FBXL7: variants seen among roughly 807,000 people sequenced by gnomAD.
FBXL7 encodes F-box and leucine rich repeat protein 7.
Under a neutral mutation model 38.3 loss-of-function variants are expected in FBXL7, and 12 were observed. The observed-to-expected ratio is 0.31, with a 90% CI of 0.20 to 0.51. The LOEUF (loss-of-function observed/expected upper bound fraction) is 0.51, where lower values mean the gene tolerates loss of function less well. Among genes scored for constraint, FBXL7 ranks in the 20% least tolerant of loss-of-function variants. The pLI, the probability that FBXL7 is intolerant of heterozygous loss-of-function variation, is 0.98. For synonymous variants in FBXL7, 297 were observed against 300.9 expected (o/e 0.99, Z 0.13); for missense variants, 567 against 676.4 (o/e 0.84, Z 1.79).
chr5:15,905,579 T>C (rs1482980418), intron 2 of FBXL7, among the ~76,000 whole-genome samples: 4 of 152,128 alleles, frequency 2.6e-5, no homozygotes, highest in African/African-American at 9.7e-5. Context: ...AACAGAGAGA[T>C]ATTTAAAAAC....
At chr5:15,842,722 C>A (rs1738782802) in intron 2 of FBXL7, among the ~76,000 whole-genome samples, 1 of 152,156 alleles carries the variant, frequency 6.6e-6, no homozygotes, top group Non-Finnish European at 1.5e-5. Context: ...CTCACAATAT[C>A]TGATGGTTTT....
Position 15,900,837 on chromosome 5 carries a change from G to A in FBXL7, c.128-27053G>A, listed in dbSNP as rs73752378. ...ATGTGCCCCTTGGCCTAATTTTCAG[G>A]CTTCCAGTTTTCTTTAGAACAAGTT... is the stretch of plus-strand genomic sequence containing the variant. On this transcript the variant is annotated intron_variant, in intron 2 of 3. Transcript: ENST00000504595. 7.0e-3 allele frequency among the ~76,000 whole-genome samples: 1,068 copies of A among 152,264 alleles called. 19 individuals carry two copies. The highest frequency in any genetic ancestry group is 0.024 in the African/African-American group (1,009 of 41,540).
At chr5:15,913,261 TTTTA>T (rs1277131025) in intron 2 of FBXL7, among the ~76,000 whole-genome samples, 1 of 91,916 alleles carries the variant, frequency 1.1e-5, no homozygotes, top group Admixed American at 9.9e-5. Context: ...TAATGTTTTT[TTTTA>T]TTAATTTTTT....
At chr5:15,680,941 A>G (rs1579373430) in intron 2 of FBXL7, among the ~76,000 whole-genome samples, 1 of 152,334 alleles carries the variant, frequency 6.6e-6, no homozygotes, top group East Asian at 1.9e-4. Context: ...CTCTAAGTTC[A>G]TGCCATTGAT....
chr5:15,520,948 T>C (rs1405088873), intron 1 of FBXL7, among the ~76,000 whole-genome samples: 3 of 152,230 alleles, frequency 2.0e-5, no homozygotes, highest in Non-Finnish European at 4.4e-5. Context: ...CCTAGTTCAG[T>C]ACTCTTGTTC....
intron 2 of FBXL7, among the ~76,000 whole-genome samples, chr5:15,847,984 CTGAT>C (rs1738965202): frequency 6.6e-6 from 1 of 152,150 alleles, no homozygotes; most frequent in African/African-American, 2.4e-5. Flanking sequence ...CCAGCTAACA[CTGAT>C]TGCAGTCTTG....
intron 1 of FBXL7, among the ~76,000 whole-genome samples, chr5:15,531,384 C>G (rs1737426462): frequency 6.6e-6 from 1 of 152,064 alleles, no homozygotes; most frequent in East Asian, 1.9e-4. Context: ...AAATAAAGGA[C>G]TTAAAAAAGA....
At chr5:15,747,151 A>C (rs141875050) in intron 2 of FBXL7, among the ~76,000 whole-genome samples, 3 of 152,324 alleles carry the variant, frequency 2.0e-5, no homozygotes, top group African/African-American at 7.2e-5. Flanking sequence ...GGTTCCTAGA[A>C]TCCAGATGAA....
intron 1 of FBXL7, among the ~76,000 whole-genome samples, chr5:15,580,195 A>G (rs1739090784): frequency 6.6e-6 from 1 of 152,182 alleles, no homozygotes. Context: ...AGGATACAGC[A>G]AGAAGATGGG....
At chr5:15,645,033 C>G (rs1405544907) in intron 2 of FBXL7, among the ~76,000 whole-genome samples, 4 of 152,174 alleles carry the variant, frequency 2.6e-5, no homozygotes, top group Non-Finnish European at 5.9e-5. Context: ...AAATGATATA[C>G]AAGGCTAATA....
At chr5:15,845,648 A>T (rs1457713175) in intron 2 of FBXL7, among the ~76,000 whole-genome samples, 1 of 152,232 alleles carries the variant, frequency 6.6e-6, no homozygotes, top group Non-Finnish European at 1.5e-5. Flanking sequence ...TAATGATAAA[A>T]TCAAAGATTA....
At chr5:15,923,523 T>C (rs1484669387) in intron 2 of FBXL7, among the ~76,000 whole-genome samples, 1 of 152,204 alleles carries the variant, frequency 6.6e-6, no homozygotes, top group Non-Finnish European at 1.5e-5. Flanking sequence ...TACATATATA[T>C]GTATATTTTT....
At chr5:15,843,636 G>T (rs1382370549) in intron 2 of FBXL7, among the ~76,000 whole-genome samples, 1 of 151,936 alleles carries the variant, frequency 6.6e-6, no homozygotes, top group Non-Finnish European at 1.5e-5. Flanking sequence ...GTTTAAAAGA[G>T]GACTTTAAAA....
intron 2 of FBXL7, among the ~76,000 whole-genome samples, chr5:15,775,613 T>C (rs1466053340): frequency 6.6e-6 from 1 of 152,110 alleles, no homozygotes; most frequent in Non-Finnish European, 1.5e-5. Context: ...ATGTCAGTGA[T>C]TTACATAATC....
At chr5:15,641,124 A>G (rs1741355907) in intron 2 of FBXL7, among the ~76,000 whole-genome samples, 1 of 152,194 alleles carries the variant, frequency 6.6e-6, no homozygotes, top group South Asian at 2.1e-4. Flanking sequence ...TACACTCTCC[A>G]GGTATTTTAT....
At chr5:15,882,411 T>C (rs1740493625) in intron 2 of FBXL7, among the ~76,000 whole-genome samples, 1 of 152,146 alleles carries the variant, frequency 6.6e-6, no homozygotes, top group South Asian at 2.1e-4. Flanking sequence ...TGTCAGGCTT[T>C]CTTGTGGGAC....
chr5:15,625,894 C>T (rs950261529), intron 2 of FBXL7, among the ~76,000 whole-genome samples: 1 of 151,768 alleles, frequency 6.6e-6, no homozygotes, highest in Non-Finnish European at 1.5e-5. Context: ...GAATAAAAAG[C>T]AAAGAATGAG....
chr5:15,574,418 C>A (rs1480939738), intron 1 of FBXL7, among the ~76,000 whole-genome samples: 3 of 152,102 alleles, frequency 2.0e-5, no homozygotes, highest in Non-Finnish European at 4.4e-5. Context: ...AAATGCAAAT[C>A]CTAGCAGACT....
At chr5:15,712,472 A>G (rs1004228437) in intron 2 of FBXL7, among the ~76,000 whole-genome samples, 1 of 152,130 alleles carries the variant, frequency 6.6e-6, no homozygotes, top group Non-Finnish European at 1.5e-5. Flanking sequence ...TAGCCCTAAA[A>G]ACCTGGCTGA....
Sources: allele counts gnomAD v4.1 joint callset (sites outside exome capture counted in the v4.1 genomes callset), GRCh38; gene constraint gnomAD v4.1.1; transcripts MANE v1.5; gene names NCBI Gene and HGNC (gene_info 2026-07-23, HGNC 2026-07-21).